AGBL4: variants seen among roughly 807,000 people sequenced by gnomAD.
The protein encoded by AGBL4 is AGBL carboxypeptidase 4, also known as cytosolic carboxypeptidase 6.
In AGBL4, 58 loss-of-function variants were observed where a neutral mutation model predicts 66.4. The observed-to-expected ratio is 0.87, with a 90% CI of 0.71 to 1.09. The LOEUF (loss-of-function observed/expected upper bound fraction) is 1.09, where lower values mean the gene tolerates loss of function less well. AGBL4 is among the 50% of genes least tolerant of loss of function. The pLI is 0.00. For synonymous variants in AGBL4, 234 were observed against 222.9 expected (o/e 1.05, Z -0.44); for missense variants, 579 against 631.0 (o/e 0.92, Z 0.88).
chr1:49,009,404 A>G (rs1662181782), intron 5 of AGBL4, among the ~76,000 whole-genome samples: 2 of 150,074 alleles, frequency 1.3e-5, no homozygotes, highest in Admixed American at 6.6e-5. Context: ...CCAACCAAAA[A>G]GAGTCCAGGA....
At chr1:49,898,214 G>A (rs1040738975) in intron 1 of AGBL4, among the ~76,000 whole-genome samples, 8 of 151,960 alleles carry the variant, frequency 5.3e-5, no homozygotes, top group African/African-American at 9.7e-5. Flanking sequence ...AATTACCCAC[G>A]TGAAAAGGGA....
chr1:48,662,667 G>A (rs1646126687), intron 7 of AGBL4, among the ~76,000 whole-genome samples: 1 of 152,206 alleles, frequency 6.6e-6, no homozygotes, highest in Admixed American at 6.5e-5. Context: ...GTTGTCTGAT[G>A]CCAAGTGTGC....
chr1:49,218,764 C>G (rs1649271217), intron 4 of AGBL4, among the ~76,000 whole-genome samples: 1 of 152,086 alleles, frequency 6.6e-6, no homozygotes, highest in African/African-American at 2.4e-5. Flanking sequence ...TTGTAGCTCC[C>G]ATAATTCCAC....
chr1:48,689,854 G>A (rs1391490052), intron 6 of AGBL4, among the ~76,000 whole-genome samples: 1 of 152,192 alleles, frequency 6.6e-6, no homozygotes, highest in African/African-American at 2.4e-5. Flanking sequence ...GCAGTAAGCC[G>A]AGATTGTGTC....
chr1:48,680,130 C>G (rs114275465), intron 6 of AGBL4, among the ~76,000 whole-genome samples: 2,922 of 152,310 alleles, frequency 0.019, 40 homozygotes, highest in South Asian at 0.052. Flanking sequence ...TTAGTCTGGG[C>G]ACATCAATAT....
intron 3 of AGBL4, among the ~76,000 whole-genome samples, chr1:49,491,860 C>T (rs542354520): frequency 5.3e-5 from 8 of 151,880 alleles, no homozygotes; most frequent in Middle Eastern, 3.2e-3. Flanking sequence ...CCAGTGGATG[C>T]CTGAAACCAC....
chr1:49,892,783 T>A (rs1648782098), intron 1 of AGBL4, among the ~76,000 whole-genome samples: 1 of 152,188 alleles, frequency 6.6e-6, no homozygotes, highest in Non-Finnish European at 1.5e-5. Context: ...AGATGTCACC[T>A]ATTCCTCACA....
At chr1:49,045,864 A>G (rs1644066347) in intron 4 of AGBL4, 64 bp from the exon 5 acceptor site, 2 of 1,356,774 alleles carry the variant, frequency 1.5e-6, no homozygotes, top group Non-Finnish European at 2.0e-6. Flanking sequence ...AAAAGGTAAT[A>G]CATATAAATC....
At chr1:49,367,630 A>G (rs1557874316) in intron 3 of AGBL4, among the ~76,000 whole-genome samples, 1 of 152,214 alleles carries the variant, frequency 6.6e-6, no homozygotes, top group Non-Finnish European at 1.5e-5. Flanking sequence ...AGATCCCACC[A>G]TCGTGTGCAA....
intron 3 of AGBL4, among the ~76,000 whole-genome samples, chr1:49,399,921 G>T (rs1191062890): frequency 1.3e-5 from 2 of 152,010 alleles, no homozygotes; most frequent in African/African-American, 2.4e-5. Context: ...AAACTCTCCA[G>T]TCCAATGTCC....
chr1:49,073,500 C>T (rs559461366), intron 4 of AGBL4, among the ~76,000 whole-genome samples: 1 of 152,304 alleles, frequency 6.6e-6, no homozygotes, highest in East Asian at 1.9e-4. Context: ...TTCTAACAGT[C>T]AGGCTCCTCA....
intron 3 of AGBL4, among the ~76,000 whole-genome samples, chr1:49,510,659 A>G (rs925206604): frequency 1.3e-5 from 2 of 151,210 alleles, no homozygotes; most frequent in Non-Finnish European, 1.5e-5. Context: ...GTCCTTGCCC[A>G]TGCCTATGTC....
chr1:49,119,165 T>G (rs924581603), intron 4 of AGBL4, among the ~76,000 whole-genome samples: 3 of 151,834 alleles, frequency 2.0e-5, no homozygotes, highest in Admixed American at 6.5e-5. Flanking sequence ...GATTCATTGA[T>G]TTTTTGAAGG....
At chr1:49,535,855 C>T (rs1040056692) in intron 3 of AGBL4, among the ~76,000 whole-genome samples, 12 of 152,008 alleles carry the variant, frequency 7.9e-5, no homozygotes, top group Non-Finnish European at 1.8e-4. Context: ...CCACACCCGG[C>T]TAATTTTTTG....
chr1:49,373,883 C>G (rs1159876428), intron 3 of AGBL4, among the ~76,000 whole-genome samples: 1 of 152,012 alleles, frequency 6.6e-6, no homozygotes, highest in Non-Finnish European at 1.5e-5. Flanking sequence ...TGACAAGTGG[C>G]CCGGTATATG....
intron 2 of AGBL4, among the ~76,000 whole-genome samples, chr1:49,837,506 G>A (rs897380138): frequency 6.6e-6 from 1 of 152,206 alleles, no homozygotes; most frequent in Non-Finnish European, 1.5e-5. Context: ...TAAATTGCAA[G>A]GTTGGCAACA....
chr1:48,675,368 T>C (rs1424214871), intron 6 of AGBL4, among the ~76,000 whole-genome samples: 2 of 152,206 alleles, frequency 1.3e-5, no homozygotes, highest in African/African-American at 2.4e-5. Context: ...CCATGCCACA[T>C]TATTTGCTAA....
intron 11 of AGBL4, among the ~76,000 whole-genome samples, chr1:48,582,150 G>A (rs1248986636): frequency 6.6e-6 from 1 of 152,170 alleles, no homozygotes; most frequent in Non-Finnish European, 1.5e-5. Context: ...GGTAGCTATT[G>A]GTTGGGCCTG....
intron 5 of AGBL4, among the ~76,000 whole-genome samples, chr1:48,986,074 G>T (rs1319504266): frequency 6.6e-6 from 1 of 151,910 alleles, no homozygotes; most frequent in African/African-American, 2.4e-5. Flanking sequence ...TAGTGAATTC[G>T]AAGACATAGC....
Sources: allele counts gnomAD v4.1 joint callset (sites outside exome capture counted in the v4.1 genomes callset), GRCh38; gene constraint gnomAD v4.1.1; transcripts MANE v1.5; gene names NCBI Gene and HGNC (gene_info 2026-07-23, HGNC 2026-07-21).